The following ACACA variants were observed in gnomAD, a reference collection of about 807,000 sequenced individuals.
The protein encoded by ACACA is acetyl-CoA carboxylase 1.
ACACA carries 103 observed loss-of-function variants against 296.1 expected under a neutral mutation model. The observed-to-expected ratio is 0.35, with a 90% CI of 0.30 to 0.41. The LOEUF is 0.41. Among genes scored for constraint, ACACA ranks in the 10% least tolerant of loss-of-function variants. The pLI is 1.00. For missense variants in ACACA, 1,554 were observed against 2,989.7 expected, an observed-to-expected ratio of 0.52 and a Z score of 11.20; for synonymous variants, 953 against 1,038.6, an observed-to-expected ratio of 0.92 and a Z score of 1.58.
At chr17:37,128,358 A>AC (rs2074927683) in intron 47 of ACACA, among the ~76,000 whole-genome samples, 1 of 152,190 alleles carries the variant, frequency 6.6e-6, no homozygotes, top group Admixed American at 6.5e-5. Flanking sequence ...GAAGTGCTTT[A>AC]CAGTCCCACC....
chr17:37,107,231 G>C (rs780415930), intron 52 of ACACA, among the ~76,000 whole-genome samples: 19 of 152,138 alleles, frequency 1.2e-4, no homozygotes, highest in Non-Finnish European at 2.5e-4. Flanking sequence ...TAACTTTCCA[G>C]GCAAAGACAT....
intron 1 of ACACA, among the ~76,000 whole-genome samples, chr17:37,352,178 A>C (rs2048936973): frequency 6.6e-6 from 1 of 151,770 alleles, no homozygotes; most frequent in Non-Finnish European, 1.5e-5. Context: ...TCAGCCTCCC[A>C]AAGTGCTGGG....
At chr17:37,091,924 A>G (rs977676331) in intron 54 of ACACA, among the ~76,000 whole-genome samples, 3 of 152,152 alleles carry the variant, frequency 2.0e-5, no homozygotes, top group African/African-American at 7.2e-5. Context: ...GTAAGACTCA[A>G]TTCCAGTCAT....
In ACACA at chr17:37,348,239, A is replaced by G. The variant is rs147739078; in HGVS notation, c.39-8389T>C. ...TGTTCAGAAGGTCCATATCTAAGTA[A>G]CAGAAGCTCCCAAAAGCAAGAACAA... On this transcript the variant is annotated intron_variant, in intron 1 of 55. Transcript: ENST00000616317. 1.4e-3 allele frequency among the ~76,000 whole-genome samples: 213 copies of G among 152,294 alleles called. 1 individual carries two copies. The highest frequency in any genetic ancestry group is 4.9e-3 in the African/African-American group (204 of 41,560).
chr17:37,302,360 C>G (rs1461810050), intron 3 of ACACA, among the ~76,000 whole-genome samples: 1 of 152,296 alleles, frequency 6.6e-6, no homozygotes, highest in East Asian at 1.9e-4. Context: ...CAGGTGACTG[C>G]CACCATGCCA....
At position 37,111,636 on chromosome 17, in the gene ACACA, C is replaced by T. The variant is rs1314185008; in HGVS notation, c.6460G>A (p.Val2154Ile). Residue 2154 changes from valine (V) to isoleucine (I), a missense_variant, in exon 52 of 56, where the codon GTT (valine) becomes ATT (isoleucine). Coordinates refer to ENST00000616317, the MANE Select transcript of ACACA (RefSeq NM_198834.3). ...MYADRESRGS[V>I]LEPEGTVEIK... is the part of the protein sequence containing the mutation. ...TCTACTGTCCCTTCTGGCTCCAGAA[C>T]AGATCCCCTGGATCAGAAAGAAAGA... 6.2e-7 allele frequency: 1 copy of T among 1,613,000 alleles called. No individual in the cohort carries two copies. Among genetic ancestry groups the T allele is most frequent in the African/African-American group, 1.3e-5 (1 of 74,886 alleles).
chr17:37,288,866 C>G (rs1458024666), intron 3 of ACACA, among the ~76,000 whole-genome samples: 1 of 151,928 alleles, frequency 6.6e-6, no homozygotes, highest in Non-Finnish European at 1.5e-5. Flanking sequence ...CCACTGCACT[C>G]CAGCCTAGGT....
chr17:37,115,149 T>C (rs1427898510), intron 50 of ACACA, among the ~76,000 whole-genome samples: 1 of 151,700 alleles, frequency 6.6e-6, no homozygotes, highest in Non-Finnish European at 1.5e-5. Context: ...ATTTATTCCT[T>C]TGGGAGAAAA....
chr17:37,146,332 A>G (rs916082719), intron 45 of ACACA, among the ~76,000 whole-genome samples: 1 of 151,934 alleles, frequency 6.6e-6, no homozygotes, highest in African/African-American at 2.4e-5. Flanking sequence ...TATCTATTAA[A>G]GGAAGAAACA....
chr17:37,318,564 T>G (rs992738657), intron 3 of ACACA, among the ~76,000 whole-genome samples: 1 of 152,206 alleles, frequency 6.6e-6, no homozygotes, highest in Non-Finnish European at 1.5e-5. Flanking sequence ...ATAGTGGTTA[T>G]TCTCAACGTG....
intron 1 of ACACA, among the ~76,000 whole-genome samples, chr17:37,361,494 G>C (rs919469043): frequency 2.6e-5 from 4 of 152,008 alleles, no homozygotes; most frequent in African/African-American, 9.7e-5. Context: ...GCTTTCTAAA[G>C]AACTGGCCAA....
chr17:37,287,588 A>T (rs984949963), intron 3 of ACACA, among the ~76,000 whole-genome samples: 166 of 147,666 alleles, frequency 1.1e-3, no homozygotes, highest in Non-Finnish European at 2.0e-3. Context: ...AAAAAAAAAA[A>T]AACAAATATC....
chr17:37,095,425 A>AT (rs1332230671), intron 54 of ACACA, among the ~76,000 whole-genome samples: 1 of 152,250 alleles, frequency 6.6e-6, no homozygotes, highest in African/African-American at 2.4e-5. Context: ...CTTTTCAGTC[A>AT]TAAAAAAAAT....
intron 3 of ACACA, among the ~76,000 whole-genome samples, chr17:37,314,950 C>CTT (rs71284913): frequency 0.023 from 1,398 of 60,846 alleles, 8 homozygotes; most frequent in Non-Finnish European, 0.029. Flanking sequence ...GCCAGGAATG[C>CTT]TTTTTTTTTT....
rs570280936 is a variant in ACACA, at chr17:37,325,124, C to G, written c.338+5049G>C. ...GCTGAGGCAGGAGAATCGCTTGAAC[C>G]CAGGAGGCGGAGGTTGCAGTGAGCC... On this transcript the variant is annotated intron_variant, in intron 3 of 55. Coordinates refer to ENST00000616317, the MANE Select transcript of ACACA (RefSeq NM_198834.3). 2.0e-5 allele frequency among the ~76,000 whole-genome samples: 3 copies of G among 151,640 alleles called. No homozygotes were observed. In the East Asian group the frequency reaches 5.8e-4, roughly 29 times the overall value.
intron 1 of ACACA, among the ~76,000 whole-genome samples, chr17:37,360,782 T>C (rs2049374243): frequency 1.3e-5 from 2 of 152,160 alleles, no homozygotes. Context: ...ATATCACTAA[T>C]ATATCAATCA....
intron 3 of ACACA, among the ~76,000 whole-genome samples, chr17:37,288,983 C>T (rs1318791779): frequency 1.3e-5 from 2 of 152,170 alleles, no homozygotes; most frequent in Non-Finnish European, 2.9e-5. Flanking sequence ...CATTTACCTG[C>T]CAGGCATGGT....
chr17:37,125,267 C>T (rs1286250520), intron 48 of ACACA, among the ~76,000 whole-genome samples: 3 of 151,328 alleles, frequency 2.0e-5, no homozygotes, highest in African/African-American at 7.3e-5. Context: ...CAATATAGTA[C>T]ATTTGTCACT....
Position 37,263,779 on chromosome 17 carries a change from CCAAA to C in ACACA, c.1231_1234del (p.Phe411ValfsTer35), listed in dbSNP as rs2081621153. 1 of 1,614,036 alleles carries C rather than the reference CCAAA, an allele frequency of 6.2e-7. No individual in the cohort carries two copies. Among genetic ancestry groups the C allele is most frequent in the Non-Finnish European group, 8.5e-7 (1 of 1,180,002 alleles). ...CCTGCGTTGTACAGAGCAATCACGACCAAACAAAGAGATAGCATTGCCATATTGG... is the reference window on the plus strand; with the variant it reads ...CCTGCGTTGTACAGAGCAATCACGACCAAAGAGATAGCATTGCCATATTGG... On this transcript the variant is annotated frameshift_variant, in exon 11 of 56. Coordinates refer to ENST00000616317, the MANE Select transcript of ACACA (RefSeq NM_198834.3). LOFTEE classifies it high-confidence loss of function.
Sources: allele counts gnomAD v4.1 joint callset (sites outside exome capture counted in the v4.1 genomes callset), GRCh38; gene constraint gnomAD v4.1.1; transcripts MANE v1.5; gene names NCBI Gene and HGNC (gene_info 2026-07-23, HGNC 2026-07-21).